The following PPP2R5D variants were observed in gnomAD, a reference collection of about 807,000 sequenced individuals.
The protein encoded by PPP2R5D is protein phosphatase 2 regulatory subunit B'delta, also known as serine/threonine-protein phosphatase 2A 56 kDa regulatory subunit delta isoform.
PPP2R5D carries 12 observed loss-of-function variants against 79.1 expected under a neutral mutation model. That is an observed-to-expected ratio of 0.15 (90% CI 0.10 to 0.25). The LOEUF (loss-of-function observed/expected upper bound fraction) is 0.25, where lower values mean the gene tolerates loss of function less well. PPP2R5D is among the 10% of genes least tolerant of loss of function. PPP2R5D has a pLI of 1.00. For missense variants in PPP2R5D, 419 were observed against 760.2 expected (o/e 0.55, Z 5.28); for synonymous variants, 277 against 286.6 (o/e 0.97, Z 0.34).
Position 43,008,291 on chromosome 6 carries a change from G to A in PPP2R5D, c.917+31G>A. On this transcript the variant is annotated intron_variant, in intron 8 of 15. Coordinates refer to ENST00000485511, the MANE Select transcript of PPP2R5D (RefSeq NM_006245.4). The surrounding 1 kb of genome is among the most constrained non-coding windows in gnomAD (Gnocchi z 4.2). ...AGGCCGGGTGGGGGCACAGATGCCTGAAAAAGGTTGGCAGGATTGGTGTAC... is the reference window on the plus strand; with the variant it reads ...AGGCCGGGTGGGGGCACAGATGCCTAAAAAAGGTTGGCAGGATTGGTGTAC... 1.2e-6 allele frequency: 2 copies of A among 1,614,086 alleles called. No individual in the cohort carries two copies. Among genetic ancestry groups the A allele is most frequent in the Non-Finnish European group, 1.7e-6 (2 of 1,179,940 alleles).
intron 1 of PPP2R5D, among the ~76,000 whole-genome samples, chr6:42,985,487 C>T (rs1307092076): frequency 6.6e-6 from 1 of 152,240 alleles, no homozygotes; most frequent in Non-Finnish European, 1.5e-5. Context: ...TTAAAGGCCT[C>T]TTTTGTATCA....
Position 42,984,611 on chromosome 6 carries a change from G to T in PPP2R5D, c.-67G>T. The T allele has an allele frequency of 6.5e-7, 1 of 1,545,928 alleles. No homozygotes were observed. Among genetic ancestry groups the T allele is most frequent in the Non-Finnish European group, 8.7e-7 (1 of 1,146,606 alleles). ...GGCGAAGAGACGCCGAGCGGGCCGAGTGCGGCCGAGCAAAGCCGGAGCCGG... is the reference window on the plus strand; with the variant it reads ...GGCGAAGAGACGCCGAGCGGGCCGATTGCGGCCGAGCAAAGCCGGAGCCGG... On this transcript the variant is annotated 5_prime_UTR_variant, in exon 1 of 16. Coordinates refer to ENST00000485511, the MANE Select transcript of PPP2R5D (RefSeq NM_006245.4).
At chr6:42,985,033 A>C (rs1581788927) in intron 1 of PPP2R5D, among the ~76,000 whole-genome samples, 51 of 113,112 alleles carry the variant, frequency 4.5e-4, no homozygotes, top group African/African-American at 6.0e-4. Context: ...CCCCCCCATC[A>C]CCCCTGGCCC....
intron 2 of PPP2R5D, among the ~76,000 whole-genome samples, chr6:42,992,716 G>A (rs1049654370): frequency 8.5e-5 from 13 of 152,232 alleles, no homozygotes; most frequent in African/African-American, 2.9e-4. Context: ...CCAGCCACAC[G>A]GGAGGCTGAG....
At chr6:42,984,838 T>C (rs1219618751) in intron 1 of PPP2R5D, 134 bp downstream of exon 1, 2 of 1,353,162 alleles carry the variant, frequency 1.5e-6, no homozygotes, top group Non-Finnish European at 2.0e-6. Flanking sequence ...GGGCCAGCCC[T>C]CCGCCCCCGC....
intron 2 of PPP2R5D, among the ~76,000 whole-genome samples, chr6:42,996,404 C>T (rs1033826464): frequency 6.6e-6 from 1 of 150,926 alleles, no homozygotes; most frequent in African/African-American, 2.4e-5. Flanking sequence ...GCGGAGCTTG[C>T]AGTGAGCCGA....
At position 43,007,066 on chromosome 6, in the gene PPP2R5D, C is replaced by T. The variant is rs1554131695; in HGVS notation, c.478C>T (p.Arg160Cys). The T allele has an allele frequency of 1.9e-6, 3 of 1,614,092 alleles. No homozygotes were observed. The highest frequency in any genetic ancestry group is 2.5e-6 in the Non-Finnish European group (3 of 1,180,026). The stretch of plus-strand genomic sequence containing the variant: ...GATGGTGGAGTACATCACCCATAGC[C>T]GTGATGTTGTCACTGAGGCCATTTA... ...NEMVEYITHS[R>C]DVVTEAIYPE... is the part of the protein sequence containing the mutation. The change falls in exon 4 of 16, where the codon CGT (arginine) becomes TGT (cysteine). Residue 160 changes from arginine to cysteine, a missense_variant. Coordinates refer to ENST00000485511, the MANE Select transcript of PPP2R5D (RefSeq NM_006245.4). This position sits in a 1 kb window ranked among gnomAD's most constrained non-coding sequence, Gnocchi z 4.5.
Position 43,011,398 on chromosome 6 carries a change from G to C in PPP2R5D, c.*112G>C. 1 of 1,414,748 alleles carries C rather than the reference G, an allele frequency of 7.1e-7. No homozygotes were observed. The highest frequency in any genetic ancestry group is 1.4e-5 in the African/African-American group (1 of 70,108). 87.6% of individuals were successfully genotyped at this position (1,414,748 alleles called of 1,614,324 possible). A position where few individuals can be genotyped will look rare whatever the true frequency, so the allele number is the denominator to read the frequency against. On this transcript the variant is annotated 3_prime_UTR_variant, in exon 16 of 16. Transcript: ENST00000485511. Reference sequence around the variant, plus strand: ...CTTGGGGGAAGGCAGCGCCTCTCTAGCTACTCAAGGGAGGGGGATGTGGGC... The same window carrying C: ...CTTGGGGGAAGGCAGCGCCTCTCTACCTACTCAAGGGAGGGGGATGTGGGC...
Position 43,007,372 on chromosome 6 carries a change from C to G in PPP2R5D, c.634-42C>G, listed in dbSNP as rs761731182. ...GTGGGGCACTTGGAGGCCTGCAAGT[C>G]CTTGGGAACATCCCCTCAGTGGCGT... On this transcript the variant is annotated intron_variant, in intron 5 of 15. Coordinates refer to ENST00000485511, the MANE Select transcript of PPP2R5D (RefSeq NM_006245.4). The surrounding 1 kb of genome is among the most constrained non-coding windows in gnomAD (Gnocchi z 4.5). 3.1e-6 allele frequency: 5 copies of G among 1,603,318 alleles called. No homozygotes were observed. The African/African-American group carries it at 6.7e-5, about 21-fold the overall frequency.
At position 43,006,800 on chromosome 6, in the gene PPP2R5D, T is replaced by A. The variant is rs573518558; in HGVS notation, c.323-111T>A. 1,328 of 1,570,162 alleles carry A rather than the reference T, an allele frequency of 8.5e-4. 3 individuals are homozygous for A. Among genetic ancestry groups the A allele is most frequent in the Middle Eastern group, 1.6e-3 (9 of 5,666 alleles). On this transcript the variant is annotated intron_variant, in intron 3 of 15. Coordinates refer to ENST00000485511, the MANE Select transcript of PPP2R5D (RefSeq NM_006245.4). This position sits in a 1 kb window ranked among gnomAD's most constrained non-coding sequence, Gnocchi z 4.7. ...AGTTCCAGAGAATGCGGGAAGGGGG[T>A]GCCAGGGAGCAGGATGGTGGCAGGG...
Position 43,008,068 on chromosome 6 carries a change from G to A in PPP2R5D, c.857+3G>A, listed in dbSNP as rs1343831519. ...CAGATCAACCACATCTTCTACAGGT[G>A]AGGCCAGGAGCCCAGGCTTAGGAGC... On this transcript the variant is annotated splice_donor_region_variant and intron_variant, in intron 7 of 15. Coordinates refer to ENST00000485511, the MANE Select transcript of PPP2R5D (RefSeq NM_006245.4). The surrounding 1 kb of genome is among the most constrained non-coding windows in gnomAD (Gnocchi z 4.2). 2 of 1,614,204 alleles carry A rather than the reference G, an allele frequency of 1.2e-6. No individual in the cohort carries two copies. The highest frequency in any genetic ancestry group is 2.2e-5 in the East Asian group (1 of 44,892).
At position 43,007,648 on chromosome 6, in the gene PPP2R5D, CA is replaced by C. The variant is rs916741312; in HGVS notation, c.726+146del. 5.4e-5 allele frequency: 48 copies of C among 888,990 alleles called. No homozygotes were observed. Among genetic ancestry groups the C allele is most frequent in the Non-Finnish European group, 8.1e-5 (47 of 581,148 alleles). The allele number at this position is 888,990 out of a possible 1,614,324, so 55.1% of individuals were successfully genotyped here. On this transcript the variant is annotated intron_variant, in intron 6 of 15. Transcript: ENST00000485511. This position sits in a 1 kb window ranked among gnomAD's most constrained non-coding sequence, Gnocchi z 4.5. ...CGAGGAGGCTATAAAGGGTAAAAAA[CA>C]AAACAAAACAAAACCCTACTCTGGC...
At chr6:42,986,269 G>C (rs1770837829) in intron 1 of PPP2R5D, among the ~76,000 whole-genome samples, 1 of 152,160 alleles carries the variant, frequency 6.6e-6, no homozygotes, top group African/African-American at 2.4e-5. Context: ...GCCTCCCCCA[G>C]CTTCTCCTCT....
intron 2 of PPP2R5D, among the ~76,000 whole-genome samples, chr6:42,998,118 G>A (rs1266777075): frequency 9.0e-6 from 1 of 111,632 alleles, no homozygotes; most frequent in African/African-American, 3.4e-5. Context: ...TCTGTCACCC[G>A]GGCTGGAGTG....
At chr6:42,987,893 G>A (rs949859243) in intron 1 of PPP2R5D, among the ~76,000 whole-genome samples, 1 of 152,192 alleles carries the variant, frequency 6.6e-6, no homozygotes, top group African/African-American at 2.4e-5. Flanking sequence ...GGTCAGCTTT[G>A]TTCAAGGGGT....
At chr6:42,994,171 G>A (rs1005039995) in intron 2 of PPP2R5D, among the ~76,000 whole-genome samples, 1 of 152,074 alleles carries the variant, frequency 6.6e-6, no homozygotes, top group Non-Finnish European at 1.5e-5. Flanking sequence ...GCCTGGCATG[G>A]TCCAGCTACT....
At chr6:42,996,663 G>A (rs550523830) in intron 2 of PPP2R5D, among the ~76,000 whole-genome samples, 3 of 152,270 alleles carry the variant, frequency 2.0e-5, no homozygotes, top group Non-Finnish European at 2.9e-5. Context: ...GCTCTTTGAT[G>A]GCAAGGGCCA....
At position 43,007,567 on chromosome 6, in the gene PPP2R5D, T is replaced by G; in HGVS notation, c.726+61T>G. The G allele has an allele frequency of 2.1e-6, 3 of 1,429,534 alleles. No individual in the cohort carries two copies. Among genetic ancestry groups the G allele is most frequent in the Non-Finnish European group, 3.0e-6 (3 of 1,013,160 alleles). 88.6% of individuals were successfully genotyped at this position (1,429,534 alleles called of 1,614,324 possible). ...CCATTCCATGCCCCCTTCATCTGTG[T>G]CCCAGTGGCTCTTTCCCCTTAAGCT... On this transcript the variant is annotated intron_variant, in intron 6 of 15. Transcript: ENST00000485511. This position sits in a 1 kb window ranked among gnomAD's most constrained non-coding sequence, Gnocchi z 4.5.
In PPP2R5D at chr6:43,006,827, G is replaced by A; in HGVS notation, c.323-84G>A. 6.3e-7 allele frequency: 1 copy of A among 1,580,498 alleles called. No individual in the cohort carries two copies. The highest frequency in any genetic ancestry group is 8.7e-7 in the Non-Finnish European group (1 of 1,155,064). ...CCAGGGAGCAGGATGGTGGCAGGGT[G>A]GGGTAAGGGAAAGCCCTTGAAGGCA... On this transcript the variant is annotated intron_variant, in intron 3 of 15. Coordinates refer to ENST00000485511, the MANE Select transcript of PPP2R5D (RefSeq NM_006245.4). The surrounding 1 kb of genome is among the most constrained non-coding windows in gnomAD (Gnocchi z 4.7).
Sources: allele counts gnomAD v4.1 joint callset (sites outside exome capture counted in the v4.1 genomes callset), GRCh38; gene constraint gnomAD v4.1.1; non-coding constraint Gnocchi (gnomAD v3.1); transcripts MANE v1.5; gene names NCBI Gene and HGNC (gene_info 2026-07-23, HGNC 2026-07-21).